The following SGMS1 variants were observed in gnomAD, a reference collection of about 807,000 sequenced individuals.
SGMS1 encodes the protein phosphatidylcholine:ceramide cholinephosphotransferase 1.
SGMS1 carries 13 observed loss-of-function variants against 46.2 expected under a neutral mutation model. The ratio of observed to expected loss-of-function variants is 0.28; its 90% CI spans 0.18 to 0.45. The LOEUF is 0.45. SGMS1 is among the 20% of genes least tolerant of loss of function. The pLI, the probability that SGMS1 is intolerant of heterozygous loss-of-function variation, is 1.00. For synonymous variants in SGMS1, 203 were observed against 187.8 expected (o/e 1.08, Z -0.66); for missense variants, 324 against 519.9 (o/e 0.62, Z 3.66).
chr10:50,405,574 C>A (rs1194016676), intron 6 of SGMS1, among the ~76,000 whole-genome samples: 1 of 152,116 alleles, frequency 6.6e-6, no homozygotes, highest in African/African-American at 2.4e-5. Flanking sequence ...TTGAAAAGCT[C>A]TTCTGGAAGA....
intron 3 of SGMS1, among the ~76,000 whole-genome samples, chr10:50,468,923 C>G (rs1222708142): frequency 2.0e-5 from 3 of 152,194 alleles, no homozygotes; most frequent in African/African-American, 7.2e-5. Context: ...GATCATCAGA[C>G]ATCATGATAT....
chr10:50,579,980 A>G (rs1311837382), intron 2 of SGMS1, among the ~76,000 whole-genome samples: 2 of 152,244 alleles, frequency 1.3e-5, no homozygotes, highest in East Asian at 1.9e-4. Context: ...GGCTTAAAAT[A>G]TTAAGAGGAA....
chr10:50,498,058 C>T lies in SGMS1; in HGVS notation c.-498+21773G>A, dbSNP rs556976352. Among the ~76,000 whole-genome samples the T allele has an allele frequency of 6.6e-5, 10 of 152,224 alleles. No homozygotes were observed. In the South Asian group the frequency reaches 1.5e-3, roughly 22 times the overall value. Reference sequence around the variant, plus strand: ...CAGGGAATTTGGTTTCTAAGAAAAGCCCACTCATTTTTAAAAGACAAGATG... The same window carrying T: ...CAGGGAATTTGGTTTCTAAGAAAAGTCCACTCATTTTTAAAAGACAAGATG... On this transcript the variant is annotated intron_variant, in intron 3 of 10. Transcript: ENST00000361781.
intron 3 of SGMS1, among the ~76,000 whole-genome samples, chr10:50,490,887 A>G (rs11005910): frequency 0.034 from 5,249 of 152,258 alleles, 308 homozygotes; most frequent in African/African-American, 0.12. Context: ...CATGTTATGG[A>G]ACCTAAATAC....
At chr10:50,417,099 G>A (rs1283279382) in intron 6 of SGMS1, among the ~76,000 whole-genome samples, 1 of 152,050 alleles carries the variant, frequency 6.6e-6, no homozygotes, top group Non-Finnish European at 1.5e-5. Flanking sequence ...CCTGTACGCA[G>A]TCAGTGTTTC....
At chr10:50,374,291 TC>T (rs1169183155) in intron 6 of SGMS1, among the ~76,000 whole-genome samples, 1 of 152,086 alleles carries the variant, frequency 6.6e-6, no homozygotes, top group African/African-American at 2.4e-5. Context: ...AAAACCAAAT[TC>T]CTGCTCTTCT....
chr10:50,555,889 C>G, intron 2 of SGMS1, among the ~76,000 whole-genome samples: 1 of 152,240 alleles, frequency 6.6e-6, no homozygotes, highest in East Asian at 1.9e-4. Flanking sequence ...CTAATACACA[C>G]AATTTGCTTT....
At chr10:50,604,573 G>A (rs1838678008) in intron 1 of SGMS1, among the ~76,000 whole-genome samples, 1 of 152,122 alleles carries the variant, frequency 6.6e-6, no homozygotes, top group South Asian at 2.1e-4. Context: ...ATTACATCTT[G>A]CATGCTGAAA....
intron 3 of SGMS1, among the ~76,000 whole-genome samples, chr10:50,472,537 T>C (rs1279359615): frequency 1.3e-5 from 2 of 152,172 alleles, no homozygotes; most frequent in Admixed American, 6.5e-5. Context: ...TAGTATTGCA[T>C]AGTGTGTATA....
At chr10:50,571,388 T>C (rs1465658744) in intron 2 of SGMS1, among the ~76,000 whole-genome samples, 1 of 152,208 alleles carries the variant, frequency 6.6e-6, no homozygotes, top group Non-Finnish European at 1.5e-5. Context: ...AGACAAAGGC[T>C]GAAGACTCAG....
In SGMS1 at chr10:50,623,750, C is replaced by G; in HGVS notation, c.-727G>C. The G allele has an allele frequency of 5.1e-6, 5 of 985,272 alleles. No individual in the cohort carries two copies. The highest frequency in any genetic ancestry group is 6.0e-6 in the Non-Finnish European group (5 of 829,934). 61.0% of individuals were successfully genotyped at this position (985,272 alleles called of 1,614,324 possible). On this transcript the variant is annotated 5_prime_UTR_variant, in exon 1 of 11. Coordinates refer to ENST00000361781, the MANE Select transcript of SGMS1 (RefSeq NM_147156.4). ...AGCCGCCGGAATTCCGCTCGCGGAGCCCCCGCCGCGGAATGAAATCCGGGG... is the reference window on the plus strand; with the variant it reads ...AGCCGCCGGAATTCCGCTCGCGGAGGCCCCGCCGCGGAATGAAATCCGGGG...
Position 50,516,801 on chromosome 10 carries a change from T to C in SGMS1, c.-498+3030A>G, listed in dbSNP as rs11005981. Among the ~76,000 whole-genome samples, 765 of 152,320 alleles carry C rather than the reference T, an allele frequency of 5.0e-3. 6 individuals are homozygous for C. Among genetic ancestry groups the C allele is most frequent in the African/African-American group, 0.017 (713 of 41,568 alleles). ...AGATATTTGCAAGGCCCTTCTGCTATACTATAATTAGAGTCTGAATAAATT... is the reference window on the plus strand; with the variant it reads ...AGATATTTGCAAGGCCCTTCTGCTACACTATAATTAGAGTCTGAATAAATT... On this transcript the variant is annotated intron_variant, in intron 3 of 10. Transcript: ENST00000361781.
At chr10:50,443,000 A>G (rs1203394) in intron 5 of SGMS1, among the ~76,000 whole-genome samples, 32,641 of 152,186 alleles carry the variant, frequency 0.21, 3,721 homozygotes, top group Non-Finnish European at 0.25. Flanking sequence ...TGCACTTAAT[A>G]AGAATGGTTT....
intron 6 of SGMS1, among the ~76,000 whole-genome samples, chr10:50,389,741 T>A (rs556629913): frequency 7.2e-5 from 11 of 152,280 alleles, no homozygotes; most frequent in African/African-American, 2.6e-4. Flanking sequence ...AGCCTAGCTA[T>A]GCCCACAAAA....
intron 6 of SGMS1, among the ~76,000 whole-genome samples, chr10:50,348,392 G>A (rs554048062): frequency 1.3e-5 from 2 of 152,302 alleles, no homozygotes; most frequent in South Asian, 4.2e-4. Flanking sequence ...GTTTGTAGAT[G>A]ACATGATTGT....
chr10:50,508,562 T>C (rs957171847), intron 3 of SGMS1, among the ~76,000 whole-genome samples: 1 of 152,248 alleles, frequency 6.6e-6, no homozygotes, highest in East Asian at 1.9e-4. Context: ...GGGATTTCAC[T>C]GTGACTAGTC....
chr10:50,519,329 C>T (rs535748270), intron 3 of SGMS1, among the ~76,000 whole-genome samples: 3 of 152,270 alleles, frequency 2.0e-5, no homozygotes, highest in East Asian at 3.9e-4. Context: ...CTCAGGTTAG[C>T]ACTCTGAGCA....
rs1286656660 is a variant in SGMS1, at chr10:50,623,772, G to C, written c.-749C>G. 1.0e-6 allele frequency: 1 copy of C among 985,358 alleles called. No individual in the cohort carries two copies. Among genetic ancestry groups the C allele is most frequent in the Non-Finnish European group, 1.2e-6 (1 of 829,980 alleles). 61.0% of individuals were successfully genotyped at this position (985,358 alleles called of 1,614,324 possible). A position where few individuals can be genotyped will look rare whatever the true frequency, so the allele number is the denominator to read the frequency against. On this transcript the variant is annotated 5_prime_UTR_variant, in exon 1 of 11. Transcript: ENST00000361781. ...GAGCCCCCGCCGCGGAATGAAATCC[G>C]GGGCAGGGCAGCGTCGGGGCTCCGC...
chr10:50,547,866 T>A (rs1392905236), intron 2 of SGMS1, among the ~76,000 whole-genome samples: 1 of 152,232 alleles, frequency 6.6e-6, no homozygotes, highest in Non-Finnish European at 1.5e-5. Context: ...GTTTCATTCC[T>A]GGGATGCAAG....
Sources: gnomAD v4.1 joint callset for allele counts (sites outside exome capture counted in the v4.1 genomes callset) on GRCh38, gnomAD v4.1.1 for gene constraint, MANE v1.5 for transcripts, NCBI Gene and HGNC (gene_info 2026-07-23, HGNC 2026-07-21) for gene names.